ABCA13: variants seen among roughly 807,000 people sequenced by gnomAD.
The protein encoded by ABCA13 is ATP binding cassette subfamily A member 13, also known as ATP-binding cassette sub-family A member 13.
ABCA13 carries 476 observed loss-of-function variants against 478.7 expected under a neutral mutation model. The ratio of observed to expected loss-of-function variants is 0.99; its 90% CI spans 0.92 to 1.07. The LOEUF (loss-of-function observed/expected upper bound fraction) is 1.07, where lower values mean the gene tolerates loss of function less well. ABCA13 is among the 50% of genes least tolerant of loss of function. The pLI is 0.00. For synonymous variants in ABCA13, 2,252 were observed against 2,158.9 expected (o/e 1.04, Z -1.20); for missense variants, 6,060 against 5,910.6 (o/e 1.03, Z -0.83).
At chr7:48,556,766 C>T (rs374746297) in intron 55 of ABCA13, among the ~76,000 whole-genome samples, 8 of 151,600 alleles carry the variant, frequency 5.3e-5, no homozygotes, top group African/African-American at 1.5e-4. Flanking sequence ...CATTTGGCCA[C>T]TCTGTTTTTT....
chr7:48,624,343 C>A (rs1793456763), intron 59 of ABCA13, among the ~76,000 whole-genome samples: 2 of 152,134 alleles, frequency 1.3e-5, no homozygotes, highest in Admixed American at 1.3e-4. Flanking sequence ...CTGCATGCGG[C>A]ATCTATTTGC....
intron 45 of ABCA13, among the ~76,000 whole-genome samples, chr7:48,477,490 C>G (rs1002041161): frequency 6.6e-6 from 1 of 151,730 alleles, no homozygotes; most frequent in African/African-American, 2.4e-5. Context: ...GGAACCAACC[C>G]AAATGTCCAA....
chr7:48,438,884 GT>G (rs59630845), intron 42 of ABCA13, among the ~76,000 whole-genome samples: 2,050 of 139,348 alleles, frequency 0.015, 41 homozygotes, highest in African/African-American at 0.049. Context: ...TTTTGCTAAG[GT>G]TTTTTTTTTT....
chr7:48,182,927 C>CT (rs1795882579), intron 1 of ABCA13, among the ~76,000 whole-genome samples: 1 of 152,128 alleles, frequency 6.6e-6, no homozygotes, highest in African/African-American at 2.4e-5. Context: ...TCCTGCAGTG[C>CT]TTAACAACAA....
intron 59 of ABCA13, among the ~76,000 whole-genome samples, chr7:48,641,086 A>G (rs1795069596): frequency 6.6e-6 from 1 of 152,198 alleles, no homozygotes; most frequent in African/African-American, 2.4e-5. Flanking sequence ...TTAATTATTA[A>G]TGTGCATATG....
intron 31 of ABCA13, among the ~76,000 whole-genome samples, chr7:48,362,545 A>G (rs1480870981): frequency 1.3e-5 from 2 of 149,632 alleles, no homozygotes; most frequent in Admixed American, 6.7e-5. Context: ...CTTCTTATAT[A>G]TGTGGCCTTA....
intron 3 of ABCA13, among the ~76,000 whole-genome samples, chr7:48,215,518 G>T (rs951962235): frequency 2.6e-5 from 4 of 152,144 alleles, no homozygotes; most frequent in Non-Finnish European, 5.9e-5. Flanking sequence ...TGCTGTTGGA[G>T]AAATGGCATT....
At chr7:48,489,705 C>G (rs1829671865) in intron 48 of ABCA13, among the ~76,000 whole-genome samples, 1 of 152,184 alleles carries the variant, frequency 6.6e-6, no homozygotes, top group Non-Finnish European at 1.5e-5. Context: ...AGAATACAGA[C>G]TGTCCCTCCT....
intron 37 of ABCA13, among the ~76,000 whole-genome samples, chr7:48,391,094 G>A (rs987125059): frequency 7.2e-5 from 11 of 152,160 alleles, no homozygotes; most frequent in Admixed American, 2.6e-4. Flanking sequence ...TGGTAAAGTC[G>A]GTCATGTGAG....
intron 48 of ABCA13, among the ~76,000 whole-genome samples, chr7:48,505,573 C>T (rs2130854300): frequency 6.6e-6 from 1 of 152,288 alleles, no homozygotes; most frequent in Admixed American, 6.5e-5. Flanking sequence ...ATGGCCTCCA[C>T]ATACAAGCCA....
intron 59 of ABCA13, among the ~76,000 whole-genome samples, chr7:48,637,517 C>A (rs1035555628): frequency 3.3e-5 from 5 of 150,308 alleles, no homozygotes; most frequent in South Asian, 2.1e-4. Flanking sequence ...AAAAAAAAAT[C>A]TTTTGTTTAT....
chr7:48,585,303 A>G (rs923544170), intron 56 of ABCA13, among the ~76,000 whole-genome samples: 11 of 152,238 alleles, frequency 7.2e-5, no homozygotes, highest in Non-Finnish European at 1.5e-5. Context: ...GATGATTCAT[A>G]TAAAACATTC....
intron 54 of ABCA13, among the ~76,000 whole-genome samples, chr7:48,527,289 G>A (rs1352011653): frequency 6.6e-6 from 1 of 152,082 alleles, no homozygotes; most frequent in African/African-American, 2.4e-5. Flanking sequence ...TGAAGCAGAT[G>A]GCAACTCATG....
chr7:48,362,775 A>G (rs1004398393), intron 31 of ABCA13, among the ~76,000 whole-genome samples: 5 of 151,992 alleles, frequency 3.3e-5, no homozygotes, highest in East Asian at 1.9e-4. Flanking sequence ...ATTTCATCAT[A>G]TATTTTCTCT....
chr7:48,333,290 G>T (rs1291739619), intron 27 of ABCA13, among the ~76,000 whole-genome samples: 1 of 152,160 alleles, frequency 6.6e-6, no homozygotes, highest in Admixed American at 6.5e-5. Context: ...GAGAATCCAT[G>T]TGGTTCTTTT....
At chr7:48,337,191 A>G (rs1191376552) in intron 28 of ABCA13, among the ~76,000 whole-genome samples, 3 of 152,138 alleles carry the variant, frequency 2.0e-5, no homozygotes, top group Non-Finnish European at 4.4e-5. Flanking sequence ...GTCGATGTGT[A>G]TGTTGCAGGC....
chr7:48,626,503 TA>T, intron 59 of ABCA13: 1 of 508,486 alleles, frequency 2.0e-6, no homozygotes, highest in Non-Finnish European at 2.5e-6. Context: ...ATATTAATTC[TA>T]AGGTAAAAAA....
At chr7:48,492,611 C>T (rs1172042762) in intron 48 of ABCA13, among the ~76,000 whole-genome samples, 1 of 152,118 alleles carries the variant, frequency 6.6e-6, no homozygotes, top group African/African-American at 2.4e-5. Context: ...CATGAGGCCT[C>T]CTCTGTCATG....
chr7:48,522,428 C>T (rs1031993052), intron 53 of ABCA13, among the ~76,000 whole-genome samples: 5 of 152,144 alleles, frequency 3.3e-5, no homozygotes, highest in African/African-American at 1.2e-4. Flanking sequence ...TTGTCTCCTG[C>T]CTAGAGCTGC....
Sources: allele counts gnomAD v4.1 joint callset (sites outside exome capture counted in the v4.1 genomes callset), GRCh38; gene constraint gnomAD v4.1.1; transcripts MANE v1.5; gene names NCBI Gene and HGNC (gene_info 2026-07-23, HGNC 2026-07-21).